CCDC40: variants seen among roughly 807,000 people sequenced by gnomAD.
CCDC40 encodes the protein coiled-coil domain 40 molecular ruler complex subunit.
CCDC40 carries 104 observed loss-of-function variants against 124.5 expected under a neutral mutation model. That is an observed-to-expected ratio of 0.84 (90% CI 0.71 to 0.98). The LOEUF (loss-of-function observed/expected upper bound fraction) is 0.98. Among genes scored for constraint, CCDC40 ranks in the 50% least tolerant of loss-of-function variants. CCDC40 has a pLI of 0.00. For synonymous variants in CCDC40, 580 were observed against 602.9 expected, an observed-to-expected ratio of 0.96 and a Z score of 0.56; for missense variants, 1,463 against 1,503.9, an observed-to-expected ratio of 0.97 and a Z score of 0.45.
intron 17 of CCDC40, among the ~76,000 whole-genome samples, chr17:80,091,264 G>A (rs1018976244): frequency 6.6e-6 from 1 of 151,622 alleles, no homozygotes; most frequent in African/African-American, 2.4e-5. Context: ...TAGACACAAT[G>A]TGTGTTAGGG....
At chr17:80,094,487 C>T (rs1020396085) in intron 17 of CCDC40, among the ~76,000 whole-genome samples, 3 of 151,756 alleles carry the variant, frequency 2.0e-5, no homozygotes, top group African/African-American at 7.3e-5. Flanking sequence ...CCAAGGTGGG[C>T]GGATCGAGAC....
chr17:80,081,505 T>C, intron 10 of CCDC40, 41 bp from the exon 11 acceptor site: 1 of 1,612,796 alleles, frequency 6.2e-7, no homozygotes, highest in African/African-American at 1.3e-5. Context: ...GGCTCTCTGA[T>C]GTCTCACACG....
chr17:80,093,032 G>A (rs576207173), intron 17 of CCDC40, among the ~76,000 whole-genome samples: 19 of 152,218 alleles, frequency 1.2e-4, no homozygotes, highest in African/African-American at 2.9e-4. Context: ...TTCCTCCACC[G>A]AACTACCGTC....
chr17:80,097,323 C>T lies in CCDC40; in HGVS notation c.3100C>T (p.Gln1034Ter). 6.2e-7 allele frequency: 1 copy of T among 1,613,964 alleles called. No individual in the cohort carries two copies. The highest frequency in any genetic ancestry group is 1.3e-5 in the African/African-American group (1 of 75,064). Residue 1034 changes from glutamine to a stop codon, truncating the protein, a stop_gained, in exon 19 of 20, where the codon CAG becomes TAG. Coordinates refer to ENST00000397545, the MANE Select transcript of CCDC40 (RefSeq NM_017950.4). LOFTEE classifies it high-confidence loss of function. ...TGTGAGCAGCTCCCTCCTAGAGAAGCAGGAAAAGCTGTCGGTGATTCAGGC... is the reference window on the plus strand; with the variant it reads ...TGTGAGCAGCTCCCTCCTAGAGAAGTAGGAAAAGCTGTCGGTGATTCAGGC... ...RNVSSSLLEK[Q>*]EKLSVIQADF...
chr17:80,087,633 C>A lies in CCDC40; in HGVS notation c.2476C>A (p.Gln826Lys), dbSNP rs1188440303. 2 of 1,613,962 alleles carry A rather than the reference C, an allele frequency of 1.2e-6. No homozygotes were observed. Among genetic ancestry groups the A allele is most frequent in the East Asian group, 2.2e-5 (1 of 44,886 alleles). The change falls in exon 15 of 20, where the codon CAG (glutamine) becomes AAG (lysine). Residue 826 changes from glutamine to lysine, a missense_variant. Gln to Lys is a moderately conservative substitution (Grantham distance 53). Coordinates refer to ENST00000397545, the MANE Select transcript of CCDC40 (RefSeq NM_017950.4). This position sits in a 1 kb window ranked among gnomAD's most constrained non-coding sequence, Gnocchi z 4.5. ...ESKIEQEKKE[Q>K]KEIEHHMKDL... ...CAAGATTGAGCAGGAGAAGAAGGAG[C>A]AGAAGGAGATCGAGCACCACATGAA...
At chr17:80,079,550 C>G (rs750959703) in intron 10 of CCDC40, among the ~76,000 whole-genome samples, 3 of 152,112 alleles carry the variant, frequency 2.0e-5, no homozygotes, top group Non-Finnish European at 4.4e-5. Flanking sequence ...CTCATCGATC[C>G]ATAATGAGGC....
Position 80,059,056 on chromosome 17 carries a change from T to G in CCDC40, c.1440+76T>G, listed in dbSNP as rs2037827948. The stretch of plus-strand genomic sequence containing the variant: ...ACGCACAGGGTGCTGGTGGGTCTAC[T>G]AGACTGCACCTGCCCGTCTGCTGGA... On this transcript the variant is annotated intron_variant, in intron 9 of 19. Transcript: ENST00000397545. 17 of 1,565,688 alleles carry G rather than the reference T, an allele frequency of 1.1e-5. No individual in the cohort carries two copies. In the East Asian group the frequency reaches 3.8e-4, roughly 35 times the overall value.
intron 19 of CCDC40, among the ~76,000 whole-genome samples, chr17:80,099,157 G>A (rs1022893609): frequency 6.6e-6 from 1 of 151,848 alleles, no homozygotes; most frequent in African/African-American, 2.4e-5. Flanking sequence ...CGGGCCTGGT[G>A]ACGGGCATCT....
At chr17:80,059,494 A>G (rs1234587390) in intron 9 of CCDC40, among the ~76,000 whole-genome samples, 1 of 151,652 alleles carries the variant, frequency 6.6e-6, no homozygotes, top group African/African-American at 2.4e-5. Context: ...AACTTAAAAA[A>G]AAAAAAAAAA....
intron 16 of CCDC40, chr17:80,088,542 G>A (rs1294363608): frequency 3.2e-5 from 9 of 281,092 alleles, no homozygotes; most frequent in Middle Eastern, 1.3e-3. Context: ...ATGAGCCACC[G>A]TGCCCAGCAA....
Position 80,047,308 on chromosome 17 carries a change from G to C in CCDC40, c.582G>C (p.Gln194His). 1 of 1,614,008 alleles carries C rather than the reference G, an allele frequency of 6.2e-7. No individual in the cohort carries two copies. The highest frequency in any genetic ancestry group is 8.5e-7 in the Non-Finnish European group (1 of 1,179,916). The change falls in exon 4 of 20, where the codon CAG becomes CAC. Residue 194 changes from glutamine (Q) to histidine (H), a missense_variant. Coordinates refer to ENST00000397545, the MANE Select transcript of CCDC40 (RefSeq NM_017950.4). ...GATCCACAGAGGAGCCCCAGGGGCA[G>C]GTGCTCCCAATGGGCGTCCAGCACC... ...LTGSTEEPQG[Q>H]VLPMGVQHRF...
chr17:80,056,011 TA>T (rs1235839911), intron 7 of CCDC40, among the ~76,000 whole-genome samples: 6 of 42,270 alleles, frequency 1.4e-4, no homozygotes, highest in African/African-American at 2.7e-4. Context: ...TATATATATA[TA>T]TATATTTTTT....
chr17:80,038,173 A>G lies in CCDC40; in HGVS notation c.80A>G (p.Asn27Ser). The G allele has an allele frequency of 1.2e-6, 2 of 1,606,256 alleles. No individual in the cohort carries two copies. Among genetic ancestry groups the G allele is most frequent in the Non-Finnish European group, 8.5e-7 (1 of 1,173,328 alleles). Reference protein sequence around the residue: ...SASEGEKEGNNESHMVSPPEK... With the variant: ...SASEGEKEGNSESHMVSPPEK... ...TCTGAGGGAGAGAAGGAAGGGAATA[A>G]TGAAAGCCACATGGTAAAATTCCCT... The change falls in exon 2 of 20, where the codon AAT (asparagine) becomes AGT (serine). Residue 27 changes from asparagine to serine, a missense_variant. Transcript: ENST00000397545.
intron 17 of CCDC40, chr17:80,090,614 C>T: frequency 6.8e-7 from 1 of 1,475,294 alleles, no homozygotes; most frequent in Non-Finnish European, 9.0e-7. Context: ...GTGAGACAGT[C>T]TCACACCACA....
chr17:80,071,561 C>T (rs562345151), intron 10 of CCDC40, among the ~76,000 whole-genome samples: 27 of 152,318 alleles, frequency 1.8e-4, no homozygotes, highest in African/African-American at 6.3e-4. Context: ...CAGTCCCCGA[C>T]GTCACGATTT....
At chr17:80,064,215 T>C (rs1238332248) in intron 9 of CCDC40, among the ~76,000 whole-genome samples, 2 of 152,218 alleles carry the variant, frequency 1.3e-5, no homozygotes, top group Non-Finnish European at 2.9e-5. Context: ...ATGGCCTCTC[T>C]CATGCCCGGC....
intron 10 of CCDC40, among the ~76,000 whole-genome samples, chr17:80,069,123 G>T (rs2038124789): frequency 6.6e-6 from 1 of 151,628 alleles, no homozygotes; most frequent in South Asian, 2.1e-4. Context: ...TAATACCTTT[G>T]ATTAGGTTCC....
Position 80,090,428 on chromosome 17 carries a change from T to C in CCDC40, c.2832+544T>C, listed in dbSNP as rs56041769. 621 of 193,728 alleles carry C rather than the reference T, an allele frequency of 3.2e-3. 28 individuals are homozygous for C. The African/African-American group carries it at 0.075, about 23-fold the overall frequency. 12.0% of individuals were successfully genotyped at this position (193,728 alleles called of 1,614,324 possible). ...ACACAGGACACACACAGCACGTGCATGAACAACACAGGACACACACAAGCA... is the reference window on the plus strand; with the variant it reads ...ACACAGGACACACACAGCACGTGCACGAACAACACAGGACACACACAAGCA... On this transcript the variant is annotated intron_variant, in intron 17 of 19. Transcript: ENST00000397545.
chr17:80,037,696 C>CATATATATATATATATAT (rs71163910), intron 1 of CCDC40, among the ~76,000 whole-genome samples: 1 of 94,750 alleles, frequency 1.1e-5, no homozygotes, highest in East Asian at 2.9e-4. Context: ...AAAAGATATA[C>CATATATATATATATATAT]ATATATATAT....
Sources: allele counts gnomAD v4.1 joint callset (sites outside exome capture counted in the v4.1 genomes callset), GRCh38; gene constraint gnomAD v4.1.1; non-coding constraint Gnocchi (gnomAD v3.1); transcripts MANE v1.5; gene names NCBI Gene and HGNC (gene_info 2026-07-23, HGNC 2026-07-21).